PLCXD3: variants seen among roughly 807,000 people sequenced by gnomAD.
PLCXD3 encodes the protein PI-PLC X domain-containing protein 3.
PLCXD3 carries 19 observed loss-of-function variants against 25.5 expected under a neutral mutation model. The observed-to-expected ratio is 0.75, with a 90% CI of 0.52 to 1.09. The LOEUF is 1.09. Ranked by LOEUF, PLCXD3 falls within the 50% of genes least tolerant of loss-of-function variation. The pLI is 0.00. For missense variants in PLCXD3, 411 were observed against 388.1 expected (o/e 1.06, Z -0.50); for synonymous variants, 174 against 137.6 (o/e 1.26, Z -1.85).
intron 1 of PLCXD3, among the ~76,000 whole-genome samples, chr5:41,436,606 C>T (rs1360578964): frequency 2.6e-5 from 4 of 152,078 alleles, no homozygotes; most frequent in Admixed American, 6.6e-5. Flanking sequence ...TGCAGCCCTC[C>T]GATACTTCCC....
At position 41,384,925 on chromosome 5, in the gene PLCXD3, G is replaced by C. The variant is rs370807319; in HGVS notation, c.104-2391C>G. Among the ~76,000 whole-genome samples the C allele has an allele frequency of 2.1e-4, 32 of 152,044 alleles. No homozygotes were observed. The East Asian group carries it at 6.0e-3, about 29-fold the overall frequency. On this transcript the variant is annotated intron_variant, in intron 1 of 2. Transcript: ENST00000377801. ...GTAGCCACAGCACCTCGTATAAAAT[G>C]GTGCTTCACACTGTAAATATTATTA... is the stretch of plus-strand genomic sequence containing the variant.
intron 1 of PLCXD3, among the ~76,000 whole-genome samples, chr5:41,388,227 T>G (rs1298797854): frequency 6.6e-6 from 1 of 152,070 alleles, no homozygotes; most frequent in African/African-American, 2.4e-5. Context: ...CCAAATAGCA[T>G]TCCTTCATTC....
intron 1 of PLCXD3, among the ~76,000 whole-genome samples, chr5:41,409,768 T>A (rs371349139): frequency 3.3e-5 from 5 of 152,314 alleles, no homozygotes; most frequent in African/African-American, 9.6e-5. Context: ...CATGAAATAA[T>A]ATATTTTCAT....
rs114890851 is a variant in PLCXD3 at position 41,333,155 on chromosome 5, G to A, written c.813-19385C>T. Among the ~76,000 whole-genome samples the A allele has an allele frequency of 8.9e-3, 1,343 of 150,462 alleles. 15 individuals are homozygous for A. The highest frequency in any genetic ancestry group is 0.031 in the African/African-American group (1,260 of 40,188). On this transcript the variant is annotated intron_variant, in intron 2 of 2. Coordinates refer to ENST00000377801, the MANE Select transcript of PLCXD3 (RefSeq NM_001005473.3). ...AACAAACAAACAAACAAACAAAAAC[G>A]TCAATGGCTTGTGACTGCCCGTCCC... is the stretch of plus-strand genomic sequence containing the variant.
At chr5:41,353,536 T>C (rs1014433682) in intron 2 of PLCXD3, among the ~76,000 whole-genome samples, 18 of 152,248 alleles carry the variant, frequency 1.2e-4, no homozygotes, top group African/African-American at 3.9e-4. Flanking sequence ...TTGATATTTT[T>C]ATTCATTCAA....
chr5:41,494,688 T>C (rs318045), intron 1 of PLCXD3, among the ~76,000 whole-genome samples: 1 of 152,058 alleles, frequency 6.6e-6, no homozygotes, highest in African/African-American at 2.4e-5. Context: ...GTGGGATATA[T>C]GAGGATAGAG....
intron 1 of PLCXD3, among the ~76,000 whole-genome samples, chr5:41,491,315 C>T (rs952682956): frequency 1.8e-4 from 27 of 152,162 alleles, no homozygotes; most frequent in Non-Finnish European, 3.4e-4. Flanking sequence ...GTTATAATTT[C>T]TGATCTTTTA....
At chr5:41,409,324 G>A (rs1350395383) in intron 1 of PLCXD3, among the ~76,000 whole-genome samples, 4 of 152,034 alleles carry the variant, frequency 2.6e-5, no homozygotes, top group Non-Finnish European at 2.9e-5. Context: ...TGCTGGCTGG[G>A]CTCCAGCCAC....
intron 1 of PLCXD3, among the ~76,000 whole-genome samples, chr5:41,435,423 GC>G (rs1747224471): frequency 6.6e-6 from 1 of 152,164 alleles, no homozygotes; most frequent in African/African-American, 2.4e-5. Context: ...GTGTCTGGCT[GC>G]ATTGTGTGAT....
In PLCXD3 at chr5:41,311,454, G is replaced by C. The variant is rs1032252962; in HGVS notation, c.*2163C>G. 3 of 151,026 alleles carry C rather than the reference G, an allele frequency of 2.0e-5. No individual in the cohort carries two copies. The highest frequency in any genetic ancestry group is 2.1e-4 in the East Asian group (1 of 4,854). 9.4% of individuals were successfully genotyped at this position (151,026 alleles called of 1,614,324 possible). ...TTACTCTTTTTCACACAATATTAAG[G>C]GTTTCAGTCTTAAAATTAAATTATT... On this transcript the variant is annotated 3_prime_UTR_variant, in exon 3 of 3. Transcript: ENST00000377801.
chr5:41,329,057 C>T (rs1221538750), intron 2 of PLCXD3, among the ~76,000 whole-genome samples: 5 of 152,138 alleles, frequency 3.3e-5, no homozygotes, highest in Non-Finnish European at 7.4e-5. Context: ...ATGCTAGCCC[C>T]GTTATCAGTC....
chr5:41,425,399 ACATGCACACTCTTTCC>A (rs1386327202), intron 1 of PLCXD3, among the ~76,000 whole-genome samples: 2 of 151,414 alleles, frequency 1.3e-5, no homozygotes, highest in African/African-American at 4.9e-5. Context: ...CTTCCCCAGT[ACATGCACACTCTTTCC>A]CATTATCAAT....
chr5:41,335,791 C>A (rs1156387373), intron 2 of PLCXD3, among the ~76,000 whole-genome samples: 3 of 152,034 alleles, frequency 2.0e-5, no homozygotes, highest in African/African-American at 7.2e-5. Context: ...GGACTAGTTC[C>A]AGAATTACTT....
At chr5:41,490,745 A>T (rs1439687919) in intron 1 of PLCXD3, among the ~76,000 whole-genome samples, 1 of 152,108 alleles carries the variant, frequency 6.6e-6, no homozygotes. Context: ...GTATTCTCTG[A>T]TGGTAGTTTG....
At chr5:41,327,470 A>G (rs1400230790) in intron 2 of PLCXD3, among the ~76,000 whole-genome samples, 3 of 152,208 alleles carry the variant, frequency 2.0e-5, no homozygotes, top group African/African-American at 7.2e-5. Context: ...TTCTTCACCT[A>G]TAAATAAAGA....
At position 41,426,115 on chromosome 5, in the gene PLCXD3, G is replaced by C. The variant is rs188145090; in HGVS notation, c.104-43581C>G. On this transcript the variant is annotated intron_variant, in intron 1 of 2. Transcript: ENST00000377801. ...TGTTGCTCCACATCTTCAATATTTG[G>C]TATTGTCAGTGTTCTGGATTTGGGT... 4.1e-3 allele frequency among the ~76,000 whole-genome samples: 619 copies of C among 152,188 alleles called. 5 individuals are homozygous for C. The highest frequency in any genetic ancestry group is 0.014 in the African/African-American group (598 of 41,534).
At chr5:41,486,732 T>C (rs1748525592) in intron 1 of PLCXD3, among the ~76,000 whole-genome samples, 1 of 152,170 alleles carries the variant, frequency 6.6e-6, no homozygotes, top group South Asian at 2.1e-4. Context: ...AAGAGCTACG[T>C]TTATTGACTA....
intron 1 of PLCXD3, among the ~76,000 whole-genome samples, chr5:41,452,243 A>G (rs1197577319): frequency 2.0e-5 from 3 of 152,034 alleles, no homozygotes; most frequent in Non-Finnish European, 4.4e-5. Flanking sequence ...GTCCTATACC[A>G]TCAGGATTTC....
intron 1 of PLCXD3, among the ~76,000 whole-genome samples, chr5:41,463,676 C>G (rs1427577939): frequency 6.6e-6 from 1 of 151,968 alleles, no homozygotes. Context: ...TCAGAGGCTC[C>G]ACATCTTCCC....
Sources: gnomAD v4.1 joint callset for allele counts (sites outside exome capture counted in the v4.1 genomes callset) on GRCh38, gnomAD v4.1.1 for gene constraint, MANE v1.5 for transcripts, NCBI Gene and HGNC (gene_info 2026-07-23, HGNC 2026-07-21) for gene names.